VAT1L: variants seen among roughly 807,000 people sequenced by gnomAD.
VAT1L encodes the protein vesicle amine transport 1 like.
In VAT1L, 34 loss-of-function variants were observed where a neutral mutation model predicts 44.1. The observed-to-expected ratio is 0.77, with a 90% CI of 0.59 to 1.03. The LOEUF is 1.03. VAT1L is among the 50% of genes least tolerant of loss of function. The probability of loss-of-function intolerance (pLI) is 0.00; values close to 1 mark genes in which losing one functional copy is unlikely to be tolerated. For missense variants in VAT1L, 615 were observed against 538.8 expected (o/e 1.14, Z -1.40); for synonymous variants, 253 against 202.2 (o/e 1.25, Z -2.13).
At chr16:77,792,455 A>G (rs1221267491) in intron 1 of VAT1L, among the ~76,000 whole-genome samples, 2 of 152,122 alleles carry the variant, frequency 1.3e-5, no homozygotes, top group Non-Finnish European at 2.9e-5. Flanking sequence ...GAGCAAGGGA[A>G]GCAGGCTAGG....
intron 7 of VAT1L, among the ~76,000 whole-genome samples, chr16:77,924,780 C>A (rs904274576): frequency 6.6e-6 from 1 of 151,988 alleles, no homozygotes; most frequent in Non-Finnish European, 1.5e-5. Flanking sequence ...ATTTTCATAT[C>A]CCCTCAACCC....
intron 7 of VAT1L, among the ~76,000 whole-genome samples, chr16:77,921,121 T>A (rs1125693): frequency 0.082 from 12,506 of 152,236 alleles, 647 homozygotes; most frequent in South Asian, 0.16. Flanking sequence ...GCACAAGGAC[T>A]CTGATGCCAA....
intron 1 of VAT1L, among the ~76,000 whole-genome samples, chr16:77,795,680 G>T (rs1037663574): frequency 6.6e-6 from 1 of 152,154 alleles, no homozygotes; most frequent in African/African-American, 2.4e-5. Context: ...GGGAATCAGC[G>T]CAGACGGGGA....
intron 1 of VAT1L, among the ~76,000 whole-genome samples, chr16:77,809,233 T>C (rs2016221092): frequency 6.6e-6 from 1 of 152,212 alleles, no homozygotes; most frequent in Non-Finnish European, 1.5e-5. Flanking sequence ...TGTTTATGGT[T>C]GTTGTAAAAC....
intron 7 of VAT1L, among the ~76,000 whole-genome samples, chr16:77,912,500 C>T (rs2017509239): frequency 1.3e-5 from 2 of 152,110 alleles, no homozygotes; most frequent in Admixed American, 6.5e-5. Context: ...TCACTGCAGC[C>T]TCAACCTCCC....
intron 7 of VAT1L, among the ~76,000 whole-genome samples, chr16:77,941,506 T>G (rs1478051220): frequency 6.6e-6 from 1 of 152,208 alleles, no homozygotes; most frequent in Non-Finnish European, 1.5e-5. Context: ...CATGACAGAA[T>G]GATTTATATT....
chr16:77,832,052 T>G (rs2145252263), intron 3 of VAT1L, among the ~76,000 whole-genome samples: 1 of 147,570 alleles, frequency 6.8e-6, no homozygotes, highest in African/African-American at 2.5e-5. Flanking sequence ...GGTCTCGAAC[T>G]CCTGACCTCG....
chr16:77,974,430 G>A (rs915238245), intron 8 of VAT1L, among the ~76,000 whole-genome samples: 3 of 152,246 alleles, frequency 2.0e-5, no homozygotes, highest in African/African-American at 2.4e-5. Flanking sequence ...CCAAGTCCTC[G>A]GGCTGATAGG....
intron 7 of VAT1L, among the ~76,000 whole-genome samples, chr16:77,890,238 T>C (rs953569195): frequency 6.6e-6 from 1 of 151,906 alleles, no homozygotes; most frequent in Non-Finnish European, 1.5e-5. Context: ...ATGAACAACA[T>C]CACAGAAGTG....
intron 7 of VAT1L, among the ~76,000 whole-genome samples, chr16:77,946,279 CTTTTTT>C (rs66461822): frequency 2.4e-4 from 17 of 70,416 alleles, no homozygotes; most frequent in South Asian, 6.9e-4. Context: ...GTTACTTGTT[CTTTTTT>C]TTTTTTTTTT....
At chr16:77,891,617 C>G (rs983624911) in intron 7 of VAT1L, among the ~76,000 whole-genome samples, 1 of 152,198 alleles carries the variant, frequency 6.6e-6, no homozygotes, top group Non-Finnish European at 1.5e-5. Flanking sequence ...ATTTTTACCT[C>G]CATGTTAATG....
At chr16:77,874,907 AGAGCGTGGAGCT>A (rs2017072385) in intron 4 of VAT1L, among the ~76,000 whole-genome samples, 1 of 151,740 alleles carries the variant, frequency 6.6e-6, no homozygotes, top group African/African-American at 2.4e-5. Flanking sequence ...AGTAATTCTC[AGAGCGTGGAGCT>A]GGAATTAGCA....
At chr16:77,789,790 G>C (rs1328888844) in intron 1 of VAT1L, among the ~76,000 whole-genome samples, 1 of 151,754 alleles carries the variant, frequency 6.6e-6, no homozygotes, top group Admixed American at 6.6e-5. Context: ...TCCCCCTGGG[G>C]GAACTTCTCC....
At chr16:77,954,611 C>T (rs548616668) in intron 7 of VAT1L, among the ~76,000 whole-genome samples, 14 of 152,216 alleles carry the variant, frequency 9.2e-5, no homozygotes, top group African/African-American at 3.4e-4. Flanking sequence ...GGCGACAGAG[C>T]GAGTCTGTCT....
chr16:77,955,679 C>T (rs1383334635), intron 7 of VAT1L, among the ~76,000 whole-genome samples: 3 of 149,146 alleles, frequency 2.0e-5, no homozygotes, highest in East Asian at 4.0e-4. Context: ...GAGCTGAGAT[C>T]GCAACACTAC....
intron 6 of VAT1L, among the ~76,000 whole-genome samples, chr16:77,883,383 A>G (rs2017174975): frequency 6.6e-6 from 1 of 152,208 alleles, no homozygotes; most frequent in Non-Finnish European, 1.5e-5. Flanking sequence ...TTATTTTGAT[A>G]TGAAGGGAGG....
At chr16:77,950,227 G>A (rs1234961078) in intron 7 of VAT1L, among the ~76,000 whole-genome samples, 1 of 152,116 alleles carries the variant, frequency 6.6e-6, no homozygotes, top group Non-Finnish European at 1.5e-5. Flanking sequence ...TGGCCAACAT[G>A]GGGAAACCCC....
At chr16:77,974,023 G>A (rs1383610599) in intron 8 of VAT1L, among the ~76,000 whole-genome samples, 1 of 152,190 alleles carries the variant, frequency 6.6e-6, no homozygotes, top group African/African-American at 2.4e-5. Context: ...GGCCAGGAGT[G>A]TGTATTTTTA....
intron 1 of VAT1L, among the ~76,000 whole-genome samples, chr16:77,814,403 G>C (rs1177334805): frequency 6.6e-6 from 1 of 152,166 alleles, no homozygotes; most frequent in African/African-American, 2.4e-5. Flanking sequence ...GAGGAAACAG[G>C]GTGCTACAGG....
Sources: gnomAD v4.1 joint callset for allele counts (sites outside exome capture counted in the v4.1 genomes callset) on GRCh38, gnomAD v4.1.1 for gene constraint, MANE v1.5 for transcripts, NCBI Gene and HGNC (gene_info 2026-07-23, HGNC 2026-07-21) for gene names.